ITCH: variants seen among roughly 807,000 people sequenced by gnomAD.
ITCH encodes E3 ubiquitin-protein ligase Itchy homolog.
In ITCH, 28 loss-of-function variants were observed where a neutral mutation model predicts 126.8. That is an observed-to-expected ratio of 0.22 (90% CI 0.16 to 0.30). The LOEUF is 0.30. Ranked by LOEUF, ITCH falls within the 10% of genes least tolerant of loss-of-function variation. The pLI, the probability that ITCH is intolerant of heterozygous loss-of-function variation, is 1.00. For synonymous variants in ITCH, 342 were observed against 340.0 expected (o/e 1.01, Z -0.06); for missense variants, 631 against 1,032.4 (o/e 0.61, Z 5.33).
At chr20:34,492,250 G>A (rs1200852918) in intron 22 of ITCH, among the ~76,000 whole-genome samples, 1 of 152,128 alleles carries the variant, frequency 6.6e-6, no homozygotes, top group Non-Finnish European at 1.5e-5. Flanking sequence ...TTTGAAATGA[G>A]CTAGATACAG....
At chr20:34,410,425 G>A (rs1021145985) in intron 4 of ITCH, among the ~76,000 whole-genome samples, 3 of 151,632 alleles carry the variant, frequency 2.0e-5, no homozygotes, top group African/African-American at 4.8e-5. Context: ...CTTGAGGCCC[G>A]TATCATTCGG....
In ITCH at chr20:34,510,486, G is replaced by A. The variant is rs1444094083; in HGVS notation, c.*2692G>A. The A allele has an allele frequency of 1.6e-5, 1 of 63,304 alleles. No individual in the cohort carries two copies. Among genetic ancestry groups the A allele is most frequent in the Non-Finnish European group, 2.9e-5 (1 of 35,068 alleles). The allele number at this position is 63,304 out of a possible 1,614,324, so 3.9% of individuals were successfully genotyped here. ...TTTTTTTTTTACTGCATGTTACATT[G>A]AAATAAAAACAAAGTAAAATGAGCA... On this transcript the variant is annotated 3_prime_UTR_variant, in exon 25 of 25. Coordinates refer to ENST00000374864, the MANE Select transcript of ITCH (RefSeq NM_031483.7).
chr20:34,486,015 T>G (rs1192166617), intron 20 of ITCH, among the ~76,000 whole-genome samples: 1 of 152,110 alleles, frequency 6.6e-6, no homozygotes, highest in African/African-American at 2.4e-5. Context: ...CCCACAATTT[T>G]TTGTTGTTTT....
chr20:34,432,698 T>C (rs1056377719), intron 7 of ITCH, among the ~76,000 whole-genome samples: 6 of 152,218 alleles, frequency 3.9e-5, no homozygotes, highest in Non-Finnish European at 7.3e-5. Context: ...CTCATGCCTG[T>C]AATCCCAGTA....
chr20:34,411,444 G>A (rs1187271012), intron 4 of ITCH, among the ~76,000 whole-genome samples: 2 of 152,140 alleles, frequency 1.3e-5, no homozygotes, highest in African/African-American at 2.4e-5. Context: ...GTGAGCCATT[G>A]CGCCTGGCCG....
chr20:34,387,444 A>G (rs73097040), intron 2 of ITCH, among the ~76,000 whole-genome samples: 2,883 of 152,198 alleles, frequency 0.019, 47 homozygotes, highest in Middle Eastern at 0.034. Context: ...TAGCCCGGGC[A>G]ATATAGTGAG....
intron 2 of ITCH, among the ~76,000 whole-genome samples, chr20:34,386,107 G>C (rs201329894): frequency 3.5e-5 from 5 of 143,286 alleles, no homozygotes; most frequent in Admixed American, 6.9e-5. Context: ...TTTTTTTTTT[G>C]TTTTGTTTTG....
chr20:34,423,524 G>T (rs1981079836), intron 6 of ITCH, among the ~76,000 whole-genome samples: 1 of 152,094 alleles, frequency 6.6e-6, no homozygotes. Context: ...TTCTACATGT[G>T]ATCATTTTTC....
chr20:34,427,680 C>T (rs1981732635), intron 7 of ITCH, among the ~76,000 whole-genome samples: 1 of 152,076 alleles, frequency 6.6e-6, no homozygotes, highest in Admixed American at 6.6e-5. Flanking sequence ...ACTATTATGT[C>T]TCTTTTGTCT....
intron 2 of ITCH, among the ~76,000 whole-genome samples, chr20:34,379,349 C>T (rs1411507220): frequency 3.3e-5 from 5 of 152,076 alleles, no homozygotes; most frequent in African/African-American, 1.2e-4. Context: ...ATACAGTTTA[C>T]CATTTTAAAT....
chr20:34,474,446 C>T (rs1025314117), intron 16 of ITCH, among the ~76,000 whole-genome samples: 3 of 152,286 alleles, frequency 2.0e-5, no homozygotes, highest in South Asian at 2.1e-4. Flanking sequence ...CATGAGTGGA[C>T]GCAGCACATG....
At chr20:34,455,207 T>G (rs553795407) in intron 12 of ITCH, among the ~76,000 whole-genome samples, 23 of 152,340 alleles carry the variant, frequency 1.5e-4, no homozygotes, top group African/African-American at 5.5e-4. Context: ...AATTTTTGTT[T>G]AAAATGCTGA....
intron 16 of ITCH, chr20:34,476,424 G>C: frequency 8.1e-7 from 1 of 1,235,266 alleles, no homozygotes; most frequent in African/African-American, 1.6e-5. Flanking sequence ...CCGGGTCGCC[G>C]AGGACCGCAG....
chr20:34,439,896 C>A (rs1983507398), intron 8 of ITCH, among the ~76,000 whole-genome samples: 1 of 152,110 alleles, frequency 6.6e-6, no homozygotes, highest in Admixed American at 6.5e-5. Flanking sequence ...CCAGTGACAT[C>A]AGAAGATCAG....
At position 34,470,108 on chromosome 20, in the gene ITCH, G is replaced by T; in HGVS notation, c.1485G>T (p.Arg495=). The T allele has an allele frequency of 6.2e-7, 1 of 1,613,492 alleles. No individual in the cohort carries two copies. Among genetic ancestry groups the T allele is most frequent in the Non-Finnish European group, 8.5e-7 (1 of 1,179,472 alleles). ...RDFKAKVQYF[R]FWCQQLAMPQ... Reference sequence around the variant, plus strand: ...TCAAAGCAAAGGTTCAGTATTTCCGGTTCTGGTGTCAGGTTAGTATTGGAA... The same window carrying T: ...TCAAAGCAAAGGTTCAGTATTTCCGTTTCTGGTGTCAGGTTAGTATTGGAA... Residue 495 remains arginine (R), a synonymous_variant, in exon 15 of 25, where the codon CGG becomes CGT. Coordinates refer to ENST00000374864, the MANE Select transcript of ITCH (RefSeq NM_031483.7).
At chr20:34,445,149 A>T in intron 10 of ITCH, 138 bp from the exon 11 acceptor site, 3 of 942,558 alleles carry the variant, frequency 3.2e-6, no homozygotes, top group South Asian at 3.3e-5. Context: ...CATTTCTCTT[A>T]AGTTCACTTA....
chr20:34,469,907 A>G (rs1987457297), intron 14 of ITCH, 141 bp from the exon 15 acceptor site: 1 of 737,396 alleles, frequency 1.4e-6, no homozygotes, highest in Admixed American at 1.9e-5. Flanking sequence ...CTCAAAAAGC[A>G]AAGAATGGTT....
chr20:34,461,436 C>T (rs1176726875), intron 13 of ITCH, among the ~76,000 whole-genome samples: 2 of 151,862 alleles, frequency 1.3e-5, no homozygotes, highest in Non-Finnish European at 2.9e-5. Context: ...GATGGCTGGG[C>T]GCAGTGGCTC....
chr20:34,418,806 G>A (rs1298566514), intron 6 of ITCH, among the ~76,000 whole-genome samples: 4 of 121,378 alleles, frequency 3.3e-5, no homozygotes, highest in South Asian at 5.2e-4. Flanking sequence ...TTATTGCCCA[G>A]ACTGGAGTGC....
Sources: allele counts gnomAD v4.1 joint callset (sites outside exome capture counted in the v4.1 genomes callset), GRCh38; gene constraint gnomAD v4.1.1; transcripts MANE v1.5; gene names NCBI Gene and HGNC (gene_info 2026-07-23, HGNC 2026-07-21).